ZNF596: variants seen among roughly 807,000 people sequenced by gnomAD.
ZNF596 encodes zinc finger protein 596.
Under a neutral mutation model 48.3 loss-of-function variants are expected in ZNF596, and 45 were observed. The observed-to-expected ratio is 0.93, with a 90% confidence interval of 0.73 to 1.19. The LOEUF is 1.19. ZNF596 is among the 50% of genes most tolerant of loss of function. The pLI is 0.00. For missense variants in ZNF596, 848 were observed against 599.7 expected (o/e 1.41, Z -4.32); for synonymous variants, 270 against 202.0 (o/e 1.34, Z -2.85).
At chr8:237,653 C>G (rs974538906) in intron 1 of ZNF596, 1 of 152,054 alleles carries the variant, frequency 6.6e-6, no homozygotes, top group African/African-American at 2.4e-5. Context: ...TTAAATTACT[C>G]TATCATGTTT....
Position 245,288 on chromosome 8 carries a change from C to T in ZNF596, c.441C>T (p.Ile147=). ...TTGTAAGCAAAAAGTTTGGGAAAAT[C>T]TTCAGTGACTGGTTATCCTTTAATC... ...KHFVSKKFGK[I]FSDWLSFNQH... is the part of the protein sequence containing the mutation. Residue 147 remains isoleucine, a synonymous_variant, in exon 6 of 6, where the codon ATC becomes ATT. Coordinates refer to ENST00000398612, the MANE Select transcript of ZNF596 (RefSeq NM_001042416.3). 1 of 1,614,078 alleles carries T rather than the reference C, an allele frequency of 6.2e-7. No homozygotes were observed. Among genetic ancestry groups the T allele is most frequent in the Non-Finnish European group, 8.5e-7 (1 of 1,180,002 alleles).
At chr8:237,102 G>C (rs1237295058) in intron 1 of ZNF596, 2 of 149,468 alleles carry the variant, frequency 1.3e-5, no homozygotes, top group Non-Finnish European at 3.0e-5. Context: ...TACTCTTTTT[G>C]TGGAAAGTAA....
intron 1 of ZNF596, among the ~76,000 whole-genome samples, chr8:237,985 C>G (rs775090950): frequency 6.6e-6 from 1 of 152,184 alleles, no homozygotes; most frequent in Non-Finnish European, 1.5e-5. Context: ...CTAGTCCCTG[C>G]TGGCAGGGGT....
At chr8:234,991 G>T (rs1012930251) in intron 1 of ZNF596, 1 of 152,214 alleles carries the variant, frequency 6.6e-6, no homozygotes, top group Admixed American at 6.5e-5. Flanking sequence ...GAGAGGAAAT[G>T]TGTTCTGCCC....
rs12675741 is a variant in ZNF596, at chr8:238,561, G to A, written c.-72-2263G>A. Among the ~76,000 whole-genome samples the A allele has an allele frequency of 8.5e-3, 1,242 of 146,602 alleles. 37 individuals carry two copies. The East Asian group carries it at 0.087, about 10-fold the overall frequency. ...CACACTTGTAATCACAGCACTTTGAGAGGCCGAGGTAGGCAGATCATTTGA... is the reference window on the plus strand; with the variant it reads ...CACACTTGTAATCACAGCACTTTGAAAGGCCGAGGTAGGCAGATCATTTGA... On this transcript the variant is annotated intron_variant, in intron 1 of 5. Transcript: ENST00000398612.
At chr8:237,094 C>G (rs533177945) in intron 1 of ZNF596, 1 of 116,552 alleles carries the variant, frequency 8.6e-6, no homozygotes, top group East Asian at 2.4e-4. Flanking sequence ...AAAGTTTTTA[C>G]TCTTTTTGTG....
Position 246,216 on chromosome 8 carries a change from A to G in ZNF596, c.1369A>G (p.Asn457Asp). 1 of 1,614,204 alleles carries G rather than the reference A, an allele frequency of 6.2e-7. No homozygotes were observed. The highest frequency in any genetic ancestry group is 2.2e-5 in the East Asian group (1 of 44,872). Residue 457 changes from asparagine to aspartate, a missense_variant, in exon 6 of 6, where the codon AAT (asparagine) becomes GAT (aspartate). Coordinates refer to ENST00000398612, the MANE Select transcript of ZNF596 (RefSeq NM_001042416.3). ...YECNICGKAF[N>D]RSYNFRLHRR... ...ATGCAATATATGTGGTAAAGCCTTCAATAGAAGTTACAACTTTAGACTTCA... is the reference window on the plus strand; with the variant it reads ...ATGCAATATATGTGGTAAAGCCTTCGATAGAAGTTACAACTTTAGACTTCA...
chr8:240,146 A>C (rs1230353258), intron 1 of ZNF596, among the ~76,000 whole-genome samples: 1 of 152,216 alleles, frequency 6.6e-6, no homozygotes, highest in Non-Finnish European at 1.5e-5. Context: ...TCAAGTTTTC[A>C]TGTTCTTAGT....
rs1054695429 is a variant in ZNF596, at chr8:246,546, G to A, written c.*184G>A. 1 of 660,588 alleles carries A rather than the reference G, an allele frequency of 1.5e-6. No homozygotes were observed. The highest frequency in any genetic ancestry group is 2.9e-5 in the East Asian group (1 of 34,266). The allele number at this position is 660,588 out of a possible 1,614,324, so 40.9% of individuals were successfully genotyped here. ...TTATGGCACAAACTTCAGACTCTAGGCTGACCATATACAACGTGAGAGAAT... is the reference window on the plus strand; with the variant it reads ...TTATGGCACAAACTTCAGACTCTAGACTGACCATATACAACGTGAGAGAAT... On this transcript the variant is annotated 3_prime_UTR_variant, in exon 6 of 6. Coordinates refer to ENST00000398612, the MANE Select transcript of ZNF596 (RefSeq NM_001042416.3).
At position 246,274 on chromosome 8, in the gene ZNF596, T is replaced by G. The variant is rs2072174; in HGVS notation, c.1427T>G (p.Val476Gly). The change falls in exon 6 of 6, where the codon GTA (valine) becomes GGA (glycine). Residue 476 changes from valine to glycine, a missense_variant. Coordinates refer to ENST00000398612, the MANE Select transcript of ZNF596 (RefSeq NM_001042416.3). ...GTTCACACTGGAGAGAAACCATATGTATGTCCTCTATGTGGGAAAGCCTTT... is the reference window on the plus strand; with the variant it reads ...GTTCACACTGGAGAGAAACCATATGGATGTCCTCTATGTGGGAAAGCCTTT... ...RRVHTGEKPY[V>G]CPLCGKAFSK... The G allele has an allele frequency of 0.11, 174,370 of 1,612,876 alleles. 12,110 individuals are homozygous for G. The highest frequency in any genetic ancestry group is 0.35 in the East Asian group (15,576 of 44,842).
At chr8:244,478 C>A in intron 4 of ZNF596, 141 bp from the exon 5 acceptor site, 1 of 666,646 alleles carries the variant, frequency 1.5e-6, no homozygotes, top group Non-Finnish European at 2.6e-6. Context: ...CTATAATACT[C>A]TTCTCCTTAA....
At chr8:242,270 A>G (rs1331244280) in intron 2 of ZNF596, among the ~76,000 whole-genome samples, 1 of 148,230 alleles carries the variant, frequency 6.7e-6, no homozygotes, top group East Asian at 1.9e-4. Context: ...TAGACATAAG[A>G]GGCTGCATCT....
At chr8:233,890 G>C (rs1796523628) in intron 1 of ZNF596, among the ~76,000 whole-genome samples, 1 of 152,156 alleles carries the variant, frequency 6.6e-6, no homozygotes, top group South Asian at 2.1e-4. Flanking sequence ...GGGATGTTAA[G>C]GGAAAACTGC....
chr8:237,268 T>A (rs1455416477), intron 1 of ZNF596: 5 of 152,164 alleles, frequency 3.3e-5, no homozygotes. Flanking sequence ...TTTTAATTAT[T>A]GATTTCTGTC....
chr8:246,028 A>T lies in ZNF596; in HGVS notation c.1181A>T (p.His394Leu). ...ACTGGAGAGAAACCATATGAGTGCCATGTATGTGGGAAAGCCTTCACTGAA... is the reference window on the plus strand; with the variant it reads ...ACTGGAGAGAAACCATATGAGTGCCTTGTATGTGGGAAAGCCTTCACTGAA... ...IHTGEKPYEC[H>L]VCGKAFTESS... Residue 394 changes from histidine to leucine, a missense_variant, in exon 6 of 6, where the codon CAT (histidine) becomes CTT (leucine). His to Leu is a moderately conservative substitution (Grantham distance 99). Coordinates refer to ENST00000398612, the MANE Select transcript of ZNF596 (RefSeq NM_001042416.3). 3 of 1,614,092 alleles carry T rather than the reference A, an allele frequency of 1.9e-6. No individual in the cohort carries two copies. The highest frequency in any genetic ancestry group is 1.7e-6 in the Non-Finnish European group (2 of 1,180,008).
intron 1 of ZNF596, among the ~76,000 whole-genome samples, chr8:236,340 T>C (rs1246066070): frequency 6.6e-6 from 1 of 152,196 alleles, no homozygotes; most frequent in Non-Finnish European, 1.5e-5. Flanking sequence ...CTTTTTCAAG[T>C]TTACAGTCAC....
At chr8:236,022 G>A (rs1796601024) in intron 1 of ZNF596, among the ~76,000 whole-genome samples, 1 of 152,066 alleles carries the variant, frequency 6.6e-6, no homozygotes, top group African/African-American at 2.4e-5. Context: ...AGTCTAGGTT[G>A]CCCTGAGTCT....
At chr8:240,954 C>A in intron 2 of ZNF596, 47 bp downstream of exon 2, 1 of 1,611,264 alleles carries the variant, frequency 6.2e-7, no homozygotes, top group Non-Finnish European at 8.5e-7. Flanking sequence ...CCCCTGTTAC[C>A]AGCCTAAGGG....
chr8:241,268 G>A (rs967509651), intron 2 of ZNF596, among the ~76,000 whole-genome samples: 1 of 152,082 alleles, frequency 6.6e-6, no homozygotes, highest in African/African-American at 2.4e-5. Context: ...GAGTATATGT[G>A]GGTAGGTGGT....
Sources: allele counts gnomAD v4.1 joint callset (sites outside exome capture counted in the v4.1 genomes callset), GRCh38; gene constraint gnomAD v4.1.1; transcripts MANE v1.5; gene names NCBI Gene and HGNC (gene_info 2026-07-23, HGNC 2026-07-21).